The following ACLY variants were observed in gnomAD, a reference collection of about 807,000 sequenced individuals.
ACLY encodes the protein ATP-citrate synthase.
Under a neutral mutation model 133.0 loss-of-function variants are expected in ACLY, and 41 were observed. That is an observed-to-expected ratio of 0.31 (90% confidence interval 0.24 to 0.40). The LOEUF (loss-of-function observed/expected upper bound fraction) is 0.40. Among genes scored for constraint, ACLY ranks in the 10% least tolerant of loss-of-function variants. ACLY has a pLI of 1.00. For missense variants in ACLY, 1,046 were observed against 1,453.8 expected (o/e 0.72, Z 4.56); for synonymous variants, 495 against 549.3 (o/e 0.90, Z 1.38).
At chr17:41,898,043 G>A (rs1198642099) in intron 12 of ACLY, among the ~76,000 whole-genome samples, 1 of 152,174 alleles carries the variant, frequency 6.6e-6, no homozygotes, top group African/African-American at 2.4e-5. Flanking sequence ...TGAGGCCCTG[G>A]GTGGACAAGG....
Position 41,892,337 on chromosome 17 carries a change from T to C in ACLY, c.1712A>G (p.Asn571Ser), listed in dbSNP as rs1271782057. 6.2e-7 allele frequency: 1 copy of C among 1,612,306 alleles called. No individual in the cohort carries two copies. Among genetic ancestry groups the C allele is most frequent in the Non-Finnish European group, 8.5e-7 (1 of 1,179,470 alleles). ...RKHPEVDVLINFASLRSAYDS... is the reference protein window; with the variant it reads ...RKHPEVDVLISFASLRSAYDS... ...ATAGGCAGAGCGGAGAGAGGCAAAGTTGATGAGCACATCTACCTCCGGATG... is the reference window on the plus strand; with the variant it reads ...ATAGGCAGAGCGGAGAGAGGCAAAGCTGATGAGCACATCTACCTCCGGATG... Residue 571 changes from asparagine to serine, a missense_variant, in exon 16 of 29, where the codon AAC (asparagine) becomes AGC (serine). Transcript: ENST00000352035.
At chr17:41,871,888 G>A (rs556137424) in intron 24 of ACLY, 56 bp from the exon 25 acceptor site, 94 of 1,607,216 alleles carry the variant, frequency 5.8e-5, no homozygotes, top group Non-Finnish European at 7.6e-5. Context: ...CTTCAGCTGG[G>A]CAAACCAACC....
chr17:41,870,906 C>T (rs1446922368), intron 25 of ACLY, among the ~76,000 whole-genome samples: 2 of 152,188 alleles, frequency 1.3e-5, no homozygotes, highest in Admixed American at 6.5e-5. Context: ...ACATCCCAGA[C>T]GGCGGCTGTT....
At chr17:41,925,525 T>C (rs1371202804) in intron 1 of ACLY, among the ~76,000 whole-genome samples, 1 of 151,372 alleles carries the variant, frequency 6.6e-6, no homozygotes, top group Non-Finnish European at 1.5e-5. Context: ...GTGGGAGGAT[T>C]GCTTGAGCCC....
intron 11 of ACLY, among the ~76,000 whole-genome samples, chr17:41,900,465 A>C (rs915769128): frequency 1.3e-5 from 2 of 152,096 alleles, no homozygotes; most frequent in Non-Finnish European, 2.9e-5. Context: ...CACGTCTATA[A>C]TCCTAGCACT....
intron 9 of ACLY, among the ~76,000 whole-genome samples, 190 bp from the exon 10 acceptor site, chr17:41,904,980 C>A (rs567945627): frequency 6.6e-6 from 1 of 152,250 alleles, no homozygotes; most frequent in South Asian, 2.1e-4. Flanking sequence ...ATTACCTATG[C>A]CACCAGACAG....
intron 1 of ACLY, 146 bp downstream of exon 1, chr17:41,918,734 C>A: frequency 9.5e-7 from 1 of 1,049,568 alleles, no homozygotes; most frequent in Non-Finnish European, 1.2e-6. Context: ...GAAGGCTAAC[C>A]TAAAGCTAAG....
intron 1 of ACLY, among the ~76,000 whole-genome samples, chr17:41,924,283 TACAGGC>T (rs1387988843): frequency 4.1e-4 from 62 of 151,994 alleles, no homozygotes; most frequent in African/African-American, 1.5e-3. Context: ...TAGCTGAGAC[TACAGGC>T]ACGTGCCACC....
upstream of ACLY, among the ~76,000 whole-genome samples, chr17:41,922,718 A>G (rs755797969): frequency 6.6e-6 from 1 of 152,206 alleles, no homozygotes; most frequent in Non-Finnish European, 1.5e-5. Context: ...GTTACACAGT[A>G]AGTACTCAAT....
Position 41,901,768 on chromosome 17 carries a change from G to T in ACLY, c.1111C>A (p.His371Asn). ...CTTCGGACAAAGATTGTGACTTCGT[G>T]CTCCTTCAGGGGGCCCTGGTAATCT... ...IRDYQGPLKE[H>N]EVTIFVRRGG... The change falls in exon 11 of 29, where the codon CAC (histidine) becomes AAC (asparagine). Residue 371 changes from histidine (H) to asparagine (N), a missense_variant. Physicochemically the swap from His to Asn is moderately conservative, Grantham distance 68. Coordinates refer to ENST00000352035, the MANE Select transcript of ACLY (RefSeq NM_001096.3). The T allele has an allele frequency of 6.2e-7, 1 of 1,605,800 alleles. No homozygotes were observed. The highest frequency in any genetic ancestry group is 1.1e-5 in the South Asian group (1 of 90,192).
chr17:41,913,962 G>A (rs1466360853), intron 1 of ACLY, 66 bp from the exon 2 acceptor site: 2 of 1,502,292 alleles, frequency 1.3e-6, no homozygotes, highest in East Asian at 2.3e-5. Flanking sequence ...TCCCCAGCAG[G>A]GCAGACCCAC....
At chr17:41,881,611 GA>G (rs1420729968) in intron 20 of ACLY, among the ~76,000 whole-genome samples, 1 of 152,062 alleles carries the variant, frequency 6.6e-6, no homozygotes, top group Non-Finnish European at 1.5e-5. Flanking sequence ...CAGTTACCAA[GA>G]GGCTAAATGA....
intron 22 of ACLY, among the ~76,000 whole-genome samples, chr17:41,875,106 T>C (rs987732913): frequency 4.6e-5 from 7 of 151,888 alleles, no homozygotes; most frequent in African/African-American, 1.7e-4. Context: ...CTCAGCACTT[T>C]GGGAGACCAA....
intron 16 of ACLY, 102 bp downstream of exon 16, chr17:41,892,177 A>C: frequency 8.6e-7 from 1 of 1,164,012 alleles, no homozygotes; most frequent in Non-Finnish European, 1.2e-6. Context: ...ATCAACCAGG[A>C]GCCATTCCTG....
intron 20 of ACLY, 35 bp downstream of exon 20, chr17:41,883,087 A>G: frequency 1.9e-6 from 3 of 1,556,922 alleles, no homozygotes; most frequent in Non-Finnish European, 1.8e-6. Context: ...TGCAATCCCC[A>G]CTCCCAGCCC....
upstream of ACLY, among the ~76,000 whole-genome samples, chr17:41,919,594 TG>T (rs1396004506): frequency 2.0e-5 from 3 of 152,144 alleles, no homozygotes; most frequent in Admixed American, 6.5e-5. Flanking sequence ...GGTAAGCAAG[TG>T]GGGCTAGGAG....
chr17:41,901,878 G>T, intron 10 of ACLY, 65 bp from the exon 11 acceptor site: 1 of 1,293,016 alleles, frequency 7.7e-7, no homozygotes, highest in Non-Finnish European at 1.1e-6. Context: ...TTATAACCGT[G>T]ATAAACAAAC....
chr17:41,907,074 T>C (rs1383635225), intron 7 of ACLY, among the ~76,000 whole-genome samples: 1 of 152,284 alleles, frequency 6.6e-6, no homozygotes, highest in East Asian at 1.9e-4. Flanking sequence ...AGCCCAGTCC[T>C]GCTGTGAGGA....
intron 1 of ACLY, among the ~76,000 whole-genome samples, chr17:41,929,922 C>T (rs2050296595): frequency 6.6e-6 from 1 of 151,954 alleles, no homozygotes. Context: ...ACTATTTAAA[C>T]TTTAACAATG....
Sources: allele counts gnomAD v4.1 joint callset (sites outside exome capture counted in the v4.1 genomes callset), GRCh38; gene constraint gnomAD v4.1.1; transcripts MANE v1.5; gene names NCBI Gene and HGNC (gene_info 2026-07-23, HGNC 2026-07-21).